PLXNA4: variants seen among roughly 807,000 people sequenced by gnomAD.
PLXNA4 encodes the protein plexin-A4.
Under a neutral mutation model 191.8 loss-of-function variants are expected in PLXNA4, and 44 were observed. That is an observed-to-expected ratio of 0.23 (90% CI 0.18 to 0.29). The LOEUF is 0.29. Among genes scored for constraint, PLXNA4 ranks in the 10% least tolerant of loss-of-function variants. The pLI, the probability that PLXNA4 is intolerant of heterozygous loss-of-function variation, is 1.00. For missense variants in PLXNA4, 1,800 were observed against 2,488.8 expected (o/e 0.72, Z 5.89); for synonymous variants, 1,082 against 1,009.5 (o/e 1.07, Z -1.36).
intron 2 of PLXNA4, among the ~76,000 whole-genome samples, chr7:132,504,129 C>T (rs1798363466): frequency 6.6e-6 from 1 of 152,268 alleles, no homozygotes; most frequent in African/African-American, 2.4e-5. Flanking sequence ...AATGGGAGCA[C>T]AGCCGGCCTT....
rs1797655102 is a variant in PLXNA4, at chr7:132,488,581, T to C, written c.1371+711A>G. The stretch of plus-strand genomic sequence containing the variant: ...ACTTTTAACCCAATCAAGAAGGGCA[T>C]GCACTATAGGGCCAGTTCCAACTCA... On this transcript the variant is annotated intron_variant, in intron 3 of 31. Coordinates refer to ENST00000321063, the MANE Select transcript of PLXNA4 (RefSeq NM_020911.2). Among the ~76,000 whole-genome samples the C allele has an allele frequency of 2.6e-5, 4 of 152,204 alleles. No homozygotes were observed. The South Asian group carries it at 6.2e-4, about 24-fold the overall frequency.
At position 132,129,324 on chromosome 7, in the gene PLXNA4, C is replaced by G. The variant is rs1794861430; in HGVS notation, c.*1155G>C. ...TCATTCCCAAAGAGGTCTGGACAGC[C>G]CAGTGACAAAGTCATCTGCATAGCA... On this transcript the variant is annotated 3_prime_UTR_variant, in exon 32 of 32. Coordinates refer to ENST00000321063, the MANE Select transcript of PLXNA4 (RefSeq NM_020911.2). 3.3e-5 allele frequency: 5 copies of G among 152,182 alleles called. No individual in the cohort carries two copies. The highest frequency in any genetic ancestry group is 2.6e-4 in the Admixed American group (4 of 15,272). 9.4% of individuals were successfully genotyped at this position (152,182 alleles called of 1,614,324 possible). A position where few individuals can be genotyped will look rare whatever the true frequency, so the allele number is the denominator to read the frequency against.
In PLXNA4 at chr7:132,210,902, C is replaced by G. The variant is rs770503413; in HGVS notation, c.2298+41G>C. ...GAAGACAACAGTGATGTGGGTGGGA[C>G]TGGGGCCTGGTTTGGCAGTGGGCAG... is the stretch of plus-strand genomic sequence containing the variant. On this transcript the variant is annotated intron_variant, in intron 10 of 31. Transcript: ENST00000321063. 17 of 1,591,714 alleles carry G rather than the reference C, an allele frequency of 1.1e-5. No homozygotes were observed. In the Admixed American group the frequency reaches 1.8e-4, roughly 17 times the overall value.
chr7:132,426,871 C>T (rs1795065134), intron 3 of PLXNA4, among the ~76,000 whole-genome samples: 1 of 152,150 alleles, frequency 6.6e-6, no homozygotes, highest in East Asian at 1.9e-4. Flanking sequence ...TTTAACTTGT[C>T]TCTAAGGGGG....
intron 2 of PLXNA4, among the ~76,000 whole-genome samples, chr7:132,622,491 C>T (rs1204700691): frequency 6.6e-6 from 1 of 151,842 alleles, no homozygotes; most frequent in African/African-American, 2.4e-5. Context: ...GTATACCTCC[C>T]AGCACAGAAT....
intron 1 of PLXNA4, among the ~76,000 whole-genome samples, chr7:132,562,991 CCTCCTCCTCCTT>C (rs1801350781): frequency 1.3e-5 from 1 of 75,730 alleles, no homozygotes; most frequent in Non-Finnish European, 2.7e-5. Flanking sequence ...TCCTTCTCCT[CCTCCTCCTCCTT>C]CTCCTCCTCT....
At chr7:132,497,673 C>T (rs578091262) in intron 2 of PLXNA4, among the ~76,000 whole-genome samples, 2 of 152,290 alleles carry the variant, frequency 1.3e-5, no homozygotes, top group African/African-American at 4.8e-5. Flanking sequence ...GAAGGTCTGC[C>T]TTCAGACACG....
At chr7:132,372,370 G>A (rs775095342) in intron 3 of PLXNA4, among the ~76,000 whole-genome samples, 5 of 152,320 alleles carry the variant, frequency 3.3e-5, no homozygotes, top group African/African-American at 4.8e-5. Context: ...GATCACACAC[G>A]TGGCGTGGCC....
intron 1 of PLXNA4, among the ~76,000 whole-genome samples, chr7:132,522,453 T>C (rs1296861427): frequency 2.6e-5 from 4 of 152,210 alleles, no homozygotes; most frequent in East Asian, 3.9e-4. Flanking sequence ...AGATCTTCAG[T>C]TGATCCAATA....
At chr7:132,571,868 G>A (rs546764466) in intron 1 of PLXNA4, among the ~76,000 whole-genome samples, 1 of 152,224 alleles carries the variant, frequency 6.6e-6, no homozygotes, top group African/African-American at 2.4e-5. Flanking sequence ...GGGAGAAAAT[G>A]GGAATTGCCA....
chr7:132,577,640 G>A (rs1802312213), upstream of PLXNA4, among the ~76,000 whole-genome samples: 1 of 152,150 alleles, frequency 6.6e-6, no homozygotes, highest in African/African-American at 2.4e-5. Context: ...CGGCCCGCAC[G>A]GAGCTACCCT....
intron 3 of PLXNA4, among the ~76,000 whole-genome samples, chr7:132,468,889 C>T (rs1047706923): frequency 2.0e-5 from 3 of 152,022 alleles, no homozygotes; most frequent in Non-Finnish European, 4.4e-5. Context: ...GTATAGAAGT[C>T]TGGGGTGAGC....
intron 3 of PLXNA4, chr7:132,385,094 T>G (rs1585063450): frequency 6.4e-7 from 1 of 1,553,272 alleles, no homozygotes. Flanking sequence ...ATGGCTGGGG[T>G]CACAGGGAGG....
At chr7:132,409,623 A>G (rs962726968) in intron 3 of PLXNA4, among the ~76,000 whole-genome samples, 81 of 152,200 alleles carry the variant, frequency 5.3e-4, no homozygotes, top group African/African-American at 2.0e-3. Flanking sequence ...CACTCTTTCA[A>G]GGTGGAATTC....
intron 2 of PLXNA4, among the ~76,000 whole-genome samples, chr7:132,611,139 C>T (rs1803038545): frequency 1.3e-5 from 2 of 152,222 alleles, no homozygotes; most frequent in Admixed American, 6.5e-5. Flanking sequence ...GGAGAGTTGG[C>T]TGTTTCATTT....
intron 31 of PLXNA4, among the ~76,000 whole-genome samples, chr7:132,132,600 C>A (rs547314922): frequency 6.0e-4 from 90 of 150,356 alleles, no homozygotes; most frequent in African/African-American, 2.1e-3. Context: ...CTATTCCATT[C>A]TGTTTTGACT....
rs373569258 is a variant in PLXNA4 at position 132,227,622 on chromosome 7, G to C, written c.1729-18C>G. The C allele has an allele frequency of 3.7e-6, 6 of 1,614,084 alleles. No individual in the cohort carries two copies. Among genetic ancestry groups the C allele is most frequent in the East Asian group, 2.2e-5 (1 of 44,868 alleles). On this transcript the variant is annotated intron_variant, in intron 6 of 31. Transcript: ENST00000321063. ...AGGACCAGCTGTGAACAGCCAGGCG[G>C]GGGGAGAGAAGGAGGAGGGTGAAAT...
intron 2 of PLXNA4, among the ~76,000 whole-genome samples, chr7:132,614,742 C>A (rs970406352): frequency 6.6e-6 from 1 of 152,200 alleles, no homozygotes; most frequent in Non-Finnish European, 1.5e-5. Context: ...GGTACTAGTT[C>A]AGTTTATTCA....
At chr7:132,506,700 TG>T (rs949672087) in intron 2 of PLXNA4, among the ~76,000 whole-genome samples, 2 of 152,172 alleles carry the variant, frequency 1.3e-5, no homozygotes, top group Admixed American at 1.3e-4. Context: ...CTGCTTCACC[TG>T]GGGTAACCCA....
Sources: gnomAD v4.1 joint callset for allele counts (sites outside exome capture counted in the v4.1 genomes callset) on GRCh38, gnomAD v4.1.1 for gene constraint, MANE v1.5 for transcripts, NCBI Gene and HGNC (gene_info 2026-07-23, HGNC 2026-07-21) for gene names.